Variants in RNF144B observed in about 807,000 individuals in gnomAD.
The protein encoded by RNF144B is E3 ubiquitin-protein ligase RNF144B.
In RNF144B, 25 loss-of-function variants were observed where a neutral mutation model predicts 40.2. The observed-to-expected ratio is 0.62, with a 90% CI of 0.45 to 0.87. The LOEUF (loss-of-function observed/expected upper bound fraction) is 0.87, where lower values mean the gene tolerates loss of function less well. RNF144B is among the 40% of genes least tolerant of loss of function. The probability of loss-of-function intolerance (pLI) is 0.00; values close to 1 mark genes in which losing one functional copy is unlikely to be tolerated. For synonymous variants in RNF144B, 145 were observed against 136.3 expected, an observed-to-expected ratio of 1.06 and a Z score of -0.44; for missense variants, 365 against 373.7, an observed-to-expected ratio of 0.98 and a Z score of 0.19.
In RNF144B at chr6:18,405,177, G is replaced by A. The variant is rs28438440; in HGVS notation, c.165+5478G>A. Among the ~76,000 whole-genome samples, 10 of 53,184 alleles carry A rather than the reference G, an allele frequency of 1.9e-4. No individual in the cohort carries two copies. Among genetic ancestry groups the A allele is most frequent in the Non-Finnish European group, 2.5e-4 (6 of 24,000 alleles). 34.9% of individuals were successfully genotyped at this position (53,184 alleles called of 152,430 possible). ...TATTATTATTATTATTATTATTATTGTTATTATTATTTTTGAGATGGAGTC... is the reference window on the plus strand; with the variant it reads ...TATTATTATTATTATTATTATTATTATTATTATTATTTTTGAGATGGAGTC... On this transcript the variant is annotated intron_variant, in intron 2 of 7. Coordinates refer to ENST00000259939, the MANE Select transcript of RNF144B (RefSeq NM_182757.4). This position sits in a 1 kb window ranked among gnomAD's most constrained non-coding sequence, Gnocchi z 4.5.
At chr6:18,389,787 T>C (rs371733343) in intron 1 of RNF144B, among the ~76,000 whole-genome samples, 4 of 152,330 alleles carry the variant, frequency 2.6e-5, no homozygotes, top group South Asian at 2.1e-4. Context: ...TGCTTTTCAC[T>C]TGGACTTTGG....
At chr6:18,431,213 G>A (rs1324826792) in intron 3 of RNF144B, among the ~76,000 whole-genome samples, 6 of 150,500 alleles carry the variant, frequency 4.0e-5, no homozygotes, top group East Asian at 1.9e-4. Flanking sequence ...GTGACACAGC[G>A]AGACTCCATC....
At chr6:18,438,876 T>G (rs4716255) in intron 3 of RNF144B, among the ~76,000 whole-genome samples, 18,974 of 152,156 alleles carry the variant, frequency 0.12, 1,357 homozygotes, top group Admixed American at 0.19. Flanking sequence ...GAGAAAATCT[T>G]TATTTTCTCA....
At chr6:18,402,683 A>G (rs1282678462) in intron 2 of RNF144B, among the ~76,000 whole-genome samples, 2 of 152,280 alleles carry the variant, frequency 1.3e-5, no homozygotes, top group Admixed American at 6.5e-5. Flanking sequence ...ATTGCCCACA[A>G]CCAGTGCTCT....
At chr6:18,415,321 C>G (rs916083538) in intron 2 of RNF144B, among the ~76,000 whole-genome samples, 2 of 152,146 alleles carry the variant, frequency 1.3e-5, no homozygotes, top group African/African-American at 4.8e-5. Context: ...ACTCATAGTT[C>G]TGAAGGCTGG....
In RNF144B at chr6:18,410,691, GT is replaced by G. The variant is rs554282559; in HGVS notation, c.165+10994del. Among the ~76,000 whole-genome samples, 177 of 150,432 alleles carry G rather than the reference GT, an allele frequency of 1.2e-3. 1 individual carries two copies. Among genetic ancestry groups the G allele is most frequent in the African/African-American group, 3.9e-3 (161 of 41,402 alleles). ...CTAGATGGAGGGCCTGGTATGCTGT[GT>G]TAAAAAAACATTATGGAGCCACTGG... On this transcript the variant is annotated intron_variant, in intron 2 of 7. Transcript: ENST00000259939. The surrounding 1 kb of genome is among the most constrained non-coding windows in gnomAD (Gnocchi z 4.6).
intron 2 of RNF144B, among the ~76,000 whole-genome samples, chr6:18,415,853 T>C (rs80331427): frequency 6.6e-6 from 1 of 151,924 alleles, no homozygotes; most frequent in African/African-American, 2.4e-5. Context: ...GTTTTTTTTT[T>C]CTGTGTTGCT....
Position 18,419,824 on chromosome 6 carries a change from C to T in RNF144B, c.166-7757C>T, listed in dbSNP as rs1354044090. Among the ~76,000 whole-genome samples the T allele has an allele frequency of 6.6e-6, 1 of 152,062 alleles. No homozygotes were observed. Among genetic ancestry groups the T allele is most frequent in the Admixed American group, 6.5e-5 (1 of 15,268 alleles). ...GGAAGAGGAGTGAGAGAGGGCTGTTCTATGCTGTTTTATTATGACTTTTCT... is the reference window on the plus strand; with the variant it reads ...GGAAGAGGAGTGAGAGAGGGCTGTTTTATGCTGTTTTATTATGACTTTTCT... On this transcript the variant is annotated intron_variant, in intron 2 of 7. Transcript: ENST00000259939. The surrounding 1 kb of genome is among the most constrained non-coding windows in gnomAD (Gnocchi z 4.6).
chr6:18,428,107 C>T (rs959266584), intron 3 of RNF144B, among the ~76,000 whole-genome samples: 2 of 152,124 alleles, frequency 1.3e-5, no homozygotes, highest in African/African-American at 4.8e-5. Flanking sequence ...GTGCGTTCTC[C>T]TGAGAACTGA....
In RNF144B at chr6:18,441,050, C is replaced by T. The variant is rs919406738; in HGVS notation, c.331+1306C>T. Among the ~76,000 whole-genome samples the T allele has an allele frequency of 1.8e-4, 27 of 152,036 alleles. No individual in the cohort carries two copies. Among genetic ancestry groups the T allele is most frequent in the African/African-American group, 5.3e-4 (22 of 41,398 alleles). On this transcript the variant is annotated intron_variant, in intron 4 of 7. Coordinates refer to ENST00000259939, the MANE Select transcript of RNF144B (RefSeq NM_182757.4). The surrounding 1 kb of genome is among the most constrained non-coding windows in gnomAD (Gnocchi z 4.9). ...TTGGTTTAATGGATGATGACATAAT[C>T]TGATGCTTCTGTTCTGTGATAAGTT...
intron 1 of RNF144B, among the ~76,000 whole-genome samples, chr6:18,393,285 T>C (rs1484056802): frequency 2.0e-5 from 3 of 152,202 alleles, no homozygotes. Flanking sequence ...CTGGTTCATC[T>C]TGTCCTTGAA....
chr6:18,408,157 G>A (rs532791596), intron 2 of RNF144B, among the ~76,000 whole-genome samples: 1 of 151,790 alleles, frequency 6.6e-6, no homozygotes, highest in East Asian at 2.0e-4. Context: ...GCTAATTTTT[G>A]TACTTTTAAT....
In RNF144B at chr6:18,459,250, G is replaced by A. The variant is rs73379249; in HGVS notation, c.537-357G>A. On this transcript the variant is annotated intron_variant, in intron 5 of 7. Coordinates refer to ENST00000259939, the MANE Select transcript of RNF144B (RefSeq NM_182757.4). This position sits in a 1 kb window ranked among gnomAD's most constrained non-coding sequence, Gnocchi z 4.2. ...CATTTGTCTAATGAACAGACCATTA[G>A]ATAGATTATATACGCCCAGTTTGGA... is the stretch of plus-strand genomic sequence containing the variant. Among the ~76,000 whole-genome samples the A allele has an allele frequency of 0.017, 2,654 of 152,270 alleles. 38 individuals are homozygous for A. The highest frequency in any genetic ancestry group is 0.027 in the Middle Eastern group (8 of 294).
intron 4 of RNF144B, among the ~76,000 whole-genome samples, chr6:18,454,616 G>T (rs1027467198): frequency 1.3e-5 from 2 of 152,188 alleles, no homozygotes; most frequent in Non-Finnish European, 2.9e-5. Context: ...CGGAAGTTCA[G>T]TGTTTTCTCT....
At chr6:18,426,560 A>G (rs1166785203) in intron 2 of RNF144B, among the ~76,000 whole-genome samples, 1 of 152,220 alleles carries the variant, frequency 6.6e-6, no homozygotes, top group Non-Finnish European at 1.5e-5. Context: ...ACATCCAGAC[A>G]CAACAGGCAG....
rs6459616 is a variant in RNF144B, at chr6:18,418,495, A to G, written c.166-9086A>G. 0.47 allele frequency among the ~76,000 whole-genome samples: 71,195 copies of G among 152,098 alleles called. 17,894 individuals carry two copies. Among genetic ancestry groups the G allele is most frequent in the Non-Finnish European group, 0.57 (38,752 of 67,978 alleles). ...GACCATATATTGTATCATTCCATTT[A>G]TATGAAATGTAGAGAGTAGGAAGAT... On this transcript the variant is annotated intron_variant, in intron 2 of 7. Transcript: ENST00000259939. This position sits in a 1 kb window ranked among gnomAD's most constrained non-coding sequence, Gnocchi z 5.2.
chr6:18,459,037 T>C lies in RNF144B; in HGVS notation c.537-570T>C, dbSNP rs1172886738. Among the ~76,000 whole-genome samples the C allele has an allele frequency of 1.3e-5, 2 of 152,236 alleles. No individual in the cohort carries two copies. Among genetic ancestry groups the C allele is most frequent in the Non-Finnish European group, 1.5e-5 (1 of 68,036 alleles). On this transcript the variant is annotated intron_variant, in intron 5 of 7. Coordinates refer to ENST00000259939, the MANE Select transcript of RNF144B (RefSeq NM_182757.4). This position sits in a 1 kb window ranked among gnomAD's most constrained non-coding sequence, Gnocchi z 4.2. ...CTGTGAGTTGGATATCTCTGTGTGCTGGGTGGTGGTTTTGATGGGCAGTAG... is the reference window on the plus strand; with the variant it reads ...CTGTGAGTTGGATATCTCTGTGTGCCGGGTGGTGGTTTTGATGGGCAGTAG...
intron 1 of RNF144B, among the ~76,000 whole-genome samples, chr6:18,390,940 AC>A (rs1794566911): frequency 6.6e-6 from 1 of 152,240 alleles, no homozygotes; most frequent in African/African-American, 2.4e-5. Context: ...GCAAAGACAT[AC>A]AAAAATCTAC....
At position 18,391,970 on chromosome 6, in the gene RNF144B, G is replaced by A. The variant is rs139163052; in HGVS notation, c.-37+4340G>A. ...TCCCAGCACTTTGGGAGGCCGACGCGGGAGGATCACGGAGGTCAGGAGATC... is the reference window on the plus strand; with the variant it reads ...TCCCAGCACTTTGGGAGGCCGACGCAGGAGGATCACGGAGGTCAGGAGATC... On this transcript the variant is annotated intron_variant, in intron 1 of 7. Coordinates refer to ENST00000259939, the MANE Select transcript of RNF144B (RefSeq NM_182757.4). Among the ~76,000 whole-genome samples, 33 of 149,482 alleles carry A rather than the reference G, an allele frequency of 2.2e-4. No homozygotes were observed. The East Asian group carries it at 6.2e-3, about 28-fold the overall frequency.
Sources: gnomAD v4.1 joint callset for allele counts (sites outside exome capture counted in the v4.1 genomes callset) on GRCh38, gnomAD v4.1.1 for gene constraint, Gnocchi (gnomAD v3.1) non-coding constraint, MANE v1.5 for transcripts, NCBI Gene and HGNC (gene_info 2026-07-23, HGNC 2026-07-21) for gene names.